Variants in SOCS7 observed in about 807,000 individuals in gnomAD.
SOCS7 encodes NAP-4.
A neutral mutation model predicts 58.9 loss-of-function variants in SOCS7; 18 were observed. The observed-to-expected ratio is 0.31, with a 90% CI of 0.21 to 0.45. The LOEUF is 0.45. Ranked by LOEUF, SOCS7 falls within the 20% of genes least tolerant of loss-of-function variation. The pLI is 1.00. For synonymous variants in SOCS7, 388 were observed against 364.3 expected (o/e 1.06, Z -0.74); for missense variants, 667 against 837.3 (o/e 0.80, Z 2.51).
At chr17:38,388,653 G>T (rs181430391) in intron 7 of SOCS7, among the ~76,000 whole-genome samples, 1 of 152,098 alleles carries the variant, frequency 6.6e-6, no homozygotes, top group South Asian at 2.1e-4. Flanking sequence ...CAGTTACTCC[G>T]TATTCCCTCT....
At chr17:38,357,118 A>G (rs2037651040) in intron 1 of SOCS7, among the ~76,000 whole-genome samples, 2 of 152,226 alleles carry the variant, frequency 1.3e-5, no homozygotes, top group Non-Finnish European at 2.9e-5. Context: ...AACAAAATAT[A>G]GAATTCTGGA....
chr17:38,397,631 C>T (rs1423528122), intron 9 of SOCS7, among the ~76,000 whole-genome samples: 1 of 152,234 alleles, frequency 6.6e-6, no homozygotes, highest in Non-Finnish European at 1.5e-5. Flanking sequence ...GATGGTTTTC[C>T]TCAAGAGCTT....
chr17:38,372,348 C>A lies in SOCS7; in HGVS notation c.1552+4298C>A, dbSNP rs117076778. Among the ~76,000 whole-genome samples the A allele has an allele frequency of 1.3e-3, 197 of 152,292 alleles. 4 individuals carry two copies. The East Asian group carries it at 0.036, about 28-fold the overall frequency. On this transcript the variant is annotated intron_variant, in intron 6 of 9. Transcript: ENST00000612932. ...CACACAAACCGTACATGGCACCATT[C>A]ACTGTTGAGAGAAATGTAGACAAAT...
intron 6 of SOCS7, among the ~76,000 whole-genome samples, chr17:38,372,027 A>G (rs2037874673): frequency 6.6e-6 from 1 of 152,084 alleles, no homozygotes; most frequent in Non-Finnish European, 1.5e-5. Flanking sequence ...TTCCTCGACT[A>G]TTCCATATGG....
At chr17:38,378,322 G>C (rs1433090629) in intron 7 of SOCS7, among the ~76,000 whole-genome samples, 1 of 152,060 alleles carries the variant, frequency 6.6e-6, no homozygotes, top group East Asian at 1.9e-4. Context: ...AGGATTGCTT[G>C]ATCCCAGGAA....
intron 5 of SOCS7, among the ~76,000 whole-genome samples, chr17:38,366,644 C>T (rs772701331): frequency 2.6e-5 from 4 of 152,176 alleles, no homozygotes; most frequent in South Asian, 2.1e-4. Flanking sequence ...CAGGCATGCA[C>T]GACCAAGCCC....
intron 7 of SOCS7, among the ~76,000 whole-genome samples, chr17:38,390,929 C>G (rs1381529241): frequency 6.6e-6 from 1 of 152,048 alleles, no homozygotes; most frequent in Admixed American, 6.6e-5. Flanking sequence ...CCCTTTGGCT[C>G]AAGCCATCCA....
chr17:38,353,774 A>G (rs1362368338), intron 1 of SOCS7, among the ~76,000 whole-genome samples: 2 of 152,106 alleles, frequency 1.3e-5, no homozygotes, highest in African/African-American at 4.8e-5. Context: ...CCCCATCTCT[A>G]CGAAAAAAAT....
chr17:38,366,826 T>C (rs1027899601), intron 5 of SOCS7, among the ~76,000 whole-genome samples: 1 of 152,212 alleles, frequency 6.6e-6, no homozygotes, highest in African/African-American at 2.4e-5. Flanking sequence ...GAAGAATAGT[T>C]TACTTGCTTC....
rs776829044 is a variant in SOCS7, at chr17:38,364,791, G to A, written c.1085G>A (p.Arg362Gln). The change falls in exon 3 of 10, where the codon CGG (arginine) becomes CAG (glutamine). Residue 362 changes from arginine to glutamine, a missense_variant. Coordinates refer to ENST00000612932, the MANE Select transcript of SOCS7 (RefSeq NM_014598.4). ...CTTGTGGATGTGGACATTTCTCAGC[G>A]GGGCCTGACCTCTCCACACCCTCCA... ...VSLVDVDISQ[R>Q]GLTSPHPPTP... 54 of 1,613,900 alleles carry A rather than the reference G, an allele frequency of 3.3e-5. No homozygotes were observed. Among genetic ancestry groups the A allele is most frequent in the Non-Finnish European group, 4.3e-5 (51 of 1,179,960 alleles).
At chr17:38,387,127 A>ATATATATATGTG (rs1567749184) in intron 7 of SOCS7, among the ~76,000 whole-genome samples, 3 of 93,552 alleles carry the variant, frequency 3.2e-5, no homozygotes, top group South Asian at 3.3e-4. Context: ...ATATATATAT[A>ATATATATATGTG]TGTATGTATA....
intron 7 of SOCS7, among the ~76,000 whole-genome samples, chr17:38,380,812 T>C: frequency 6.6e-6 from 1 of 151,936 alleles, no homozygotes; most frequent in East Asian, 1.9e-4. Flanking sequence ...TCAGCCAAGA[T>C]TAAGCCACTG....
intron 4 of SOCS7, 71 bp from the exon 5 acceptor site, chr17:38,366,216 T>C: frequency 3.2e-6 from 5 of 1,575,086 alleles, no homozygotes; most frequent in Non-Finnish European, 4.3e-6. Context: ...TCCTCTGTTT[T>C]TGGGGGAGGG....
rs759227951 is a variant in SOCS7, at chr17:38,377,694, T to C, written c.1553-20T>C. 7 of 1,591,204 alleles carry C rather than the reference T, an allele frequency of 4.4e-6. No individual in the cohort carries two copies. Among genetic ancestry groups the C allele is most frequent in the Non-Finnish European group, 6.0e-6 (7 of 1,172,970 alleles). On this transcript the variant is annotated intron_variant, in intron 6 of 9. Transcript: ENST00000612932. ...CTGAAGTAAGTTTTAAAATTTTTAC[T>C]TCTTAATTTTCCATGGCAGGAACCT...
rs1171575289 is a variant in SOCS7, at chr17:38,397,473, C to T, written c.*30+1475C>T. Reference sequence around the variant, plus strand: ...AGGCAGGGCCTTTATACCTCTAGGTCCCCTTGCCCAGAATGCTCTGCCCCA... The same window carrying T: ...AGGCAGGGCCTTTATACCTCTAGGTTCCCTTGCCCAGAATGCTCTGCCCCA... On this transcript the variant is annotated intron_variant, in intron 9 of 9. Coordinates refer to ENST00000612932, the MANE Select transcript of SOCS7 (RefSeq NM_014598.4). Among the ~76,000 whole-genome samples the T allele has an allele frequency of 3.3e-5, 5 of 152,358 alleles. No individual in the cohort carries two copies. In the South Asian group the frequency reaches 1.0e-3, roughly 32 times the overall value.
chr17:38,399,594 G>T lies in SOCS7; in HGVS notation c.*112G>T, dbSNP rs901231241. 2.0e-5 allele frequency: 3 copies of T among 152,668 alleles called. No homozygotes were observed. The highest frequency in any genetic ancestry group is 4.4e-5 in the Non-Finnish European group (3 of 68,052). The allele number at this position is 152,668 out of a possible 1,614,324, so 9.5% of individuals were successfully genotyped here. On this transcript the variant is annotated 3_prime_UTR_variant, in exon 10 of 10. Transcript: ENST00000612932. ...AGAGGAAAAGTGAGGGAACAGGAAG[G>T]TTGGGATTCTCTGTGCAGAGACTTT...
chr17:38,375,248 T>G (rs1165888338), intron 6 of SOCS7, among the ~76,000 whole-genome samples: 4 of 152,138 alleles, frequency 2.6e-5, no homozygotes, highest in Non-Finnish European at 5.9e-5. Context: ...TCCATAAATT[T>G]ATACCACATG....
intron 6 of SOCS7, among the ~76,000 whole-genome samples, chr17:38,373,407 G>A (rs1156820948): frequency 6.6e-6 from 1 of 152,130 alleles, no homozygotes; most frequent in Non-Finnish European, 1.5e-5. Context: ...AGATGAAAGT[G>A]CCCTATTCTG....
At chr17:38,380,150 C>G (rs1424143393) in intron 7 of SOCS7, among the ~76,000 whole-genome samples, 2 of 152,158 alleles carry the variant, frequency 1.3e-5, no homozygotes, top group Admixed American at 1.3e-4. Context: ...TTTCATTGTA[C>G]AAATGTACCC....
Sources: allele counts gnomAD v4.1 joint callset (sites outside exome capture counted in the v4.1 genomes callset), GRCh38; gene constraint gnomAD v4.1.1; transcripts MANE v1.5; gene names NCBI Gene and HGNC (gene_info 2026-07-23, HGNC 2026-07-21).